Variants in METTL15 observed in about 807,000 individuals in gnomAD.
METTL15 encodes the protein 12S rRNA N(4)-cytidine methyltransferase METTL15.
In METTL15, 34 loss-of-function variants were observed where a neutral mutation model predicts 38.3. The ratio of observed to expected loss-of-function variants is 0.89; its 90% CI spans 0.68 to 1.18. METTL15 has a LOEUF of 1.18. Among genes scored for constraint, METTL15 ranks in the 50% most tolerant of loss-of-function variants. The probability of loss-of-function intolerance (pLI) is 0.00; values close to 1 mark genes in which losing one functional copy is unlikely to be tolerated. For missense variants in METTL15, 438 were observed against 498.4 expected (o/e 0.88, Z 1.15); for synonymous variants, 162 against 170.9 (o/e 0.95, Z 0.41).
intron 6 of METTL15, among the ~76,000 whole-genome samples, chr11:28,446,319 C>T (rs914092512): frequency 6.6e-6 from 1 of 152,102 alleles, no homozygotes; most frequent in Non-Finnish European, 1.5e-5. Flanking sequence ...TTTTAAAGCC[C>T]TCCAGGGAAA....
rs887315795 is a variant in METTL15, at chr11:28,507,181, C to G, written c.*425-19297C>G. ...TTCTTGCATTGCTATGAAGAGCTACCTGAAGCCTAATTGATTCAAAGTCCT... is the reference window on the plus strand; with the variant it reads ...TTCTTGCATTGCTATGAAGAGCTACGTGAAGCCTAATTGATTCAAAGTCCT... On this transcript the variant is annotated intron_variant and NMD_transcript_variant, in intron 6 of 7. Transcript: ENST00000532947. Among the ~76,000 whole-genome samples the G allele has an allele frequency of 5.3e-5, 8 of 152,170 alleles. 1 individual carries two copies. Among genetic ancestry groups the G allele is most frequent in the African/African-American group, 1.9e-4 (8 of 41,426 alleles).
chr11:28,511,796 A>C (rs1851676523), intron 6 of METTL15, among the ~76,000 whole-genome samples: 1 of 152,204 alleles, frequency 6.6e-6, no homozygotes, highest in African/African-American at 2.4e-5. Context: ...GCGAAAGAAC[A>C]AAGCTTCCAC....
Position 28,290,189 on chromosome 11 carries a change from C to T in METTL15, c.408-17C>T, listed in dbSNP as rs755894675. The T allele has an allele frequency of 6.3e-6, 10 of 1,591,920 alleles. No homozygotes were observed. In the Admixed American group the frequency reaches 1.4e-4, roughly 22 times the overall value. ...TCTAACAGAAGTGTTTTCTCTATCTCCTGGGTTTACTCACAGTAAACAAAT... is the reference window on the plus strand; with the variant it reads ...TCTAACAGAAGTGTTTTCTCTATCTTCTGGGTTTACTCACAGTAAACAAAT... On this transcript the variant is annotated splice_polypyrimidine_tract_variant and intron_variant, in intron 4 of 6. Transcript: ENST00000407364.
At chr11:28,384,645 T>G (rs2133387750) in intron 5 of METTL15, among the ~76,000 whole-genome samples, 1 of 152,194 alleles carries the variant, frequency 6.6e-6, no homozygotes, top group South Asian at 2.1e-4. Flanking sequence ...TTACATTCCT[T>G]TGGTATATAC....
intron 6 of METTL15, among the ~76,000 whole-genome samples, chr11:28,445,407 A>G (rs191590738): frequency 1.0e-3 from 152 of 152,244 alleles, no homozygotes; most frequent in African/African-American, 1.9e-3. Context: ...TTTCTCCTAT[A>G]TAAACATGGT....
At chr11:28,402,767 T>C (rs1297806117) in intron 5 of METTL15, among the ~76,000 whole-genome samples, 1 of 151,934 alleles carries the variant, frequency 6.6e-6, no homozygotes, top group Non-Finnish European at 1.5e-5. Flanking sequence ...GTCTGGGCTT[T>C]TAATGTAGCC....
At chr11:28,345,367 T>C (rs1849987518) in intron 3 of METTL15, among the ~76,000 whole-genome samples, 3 of 152,076 alleles carry the variant, frequency 2.0e-5, no homozygotes, top group South Asian at 4.1e-4. Flanking sequence ...TTTTTGTATT[T>C]TTCGTAGAGA....
chr11:28,432,503 C>T (rs775722081), intron 6 of METTL15, among the ~76,000 whole-genome samples: 4 of 152,112 alleles, frequency 2.6e-5, no homozygotes, highest in Admixed American at 6.5e-5. Context: ...GCAAGAGGGG[C>T]GAATGCTCTC....
intron 5 of METTL15, among the ~76,000 whole-genome samples, chr11:28,414,746 G>A (rs1850758818): frequency 6.6e-6 from 1 of 152,162 alleles, no homozygotes; most frequent in African/African-American, 2.4e-5. Context: ...TGCAGTTCTT[G>A]CTGATATCAT....
rs1353380334 is a variant in METTL15 at position 28,330,694 on chromosome 11, T to A, written c.1077T>A (p.Asp359Glu). 1 of 1,551,514 alleles carries A rather than the reference T, an allele frequency of 6.4e-7. No individual in the cohort carries two copies. Residue 359 changes from aspartate to glutamate, a missense_variant, in exon 7 of 7, where the codon GAT (aspartate) becomes GAA (glutamate). Coordinates refer to ENST00000407364, the MANE Select transcript of METTL15 (RefSeq NM_001113528.2). ...QVMKTSQLGS[D>E]HENTEEVSMR... ...TGAAAACATCTCAATTGGGTTCAGATCACGAAAACACGGAAGAAGTCTCTA... is the reference window on the plus strand; with the variant it reads ...TGAAAACATCTCAATTGGGTTCAGAACACGAAAACACGGAAGAAGTCTCTA...
At chr11:28,528,856 C>T (rs1174668676), downstream of METTL15, among the ~76,000 whole-genome samples, 1 of 152,088 alleles carries the variant, frequency 6.6e-6, no homozygotes, top group Non-Finnish European at 1.5e-5. Flanking sequence ...CATTCTGAAG[C>T]AGAAATATTG....
chr11:28,139,178 G>A (rs1221218009), intron 3 of METTL15, among the ~76,000 whole-genome samples: 1 of 152,114 alleles, frequency 6.6e-6, no homozygotes, highest in Non-Finnish European at 1.5e-5. Context: ...TACTTTGGGG[G>A]ATATATCTGA....
intron 5 of METTL15, among the ~76,000 whole-genome samples, chr11:28,372,269 T>C (rs1850251789): frequency 6.6e-6 from 1 of 152,094 alleles, no homozygotes; most frequent in Admixed American, 6.6e-5. Context: ...TAATGTGATG[T>C]ATTATGTTAA....
chr11:28,165,303 A>G (rs1850618558), intron 3 of METTL15, among the ~76,000 whole-genome samples: 1 of 152,072 alleles, frequency 6.6e-6, no homozygotes, highest in Non-Finnish European at 1.5e-5. Context: ...CCCACCAACA[A>G]AGGGCAAGGA....
intron 6 of METTL15, among the ~76,000 whole-genome samples, chr11:28,440,048 C>A (rs937103348): frequency 6.6e-6 from 1 of 152,146 alleles, no homozygotes; most frequent in Non-Finnish European, 1.5e-5. Flanking sequence ...CAGGCTAAGA[C>A]CCTGACTGTG....
intron 5 of METTL15, among the ~76,000 whole-genome samples, chr11:28,291,881 G>T (rs551812134): frequency 6.6e-6 from 1 of 152,076 alleles, no homozygotes; most frequent in African/African-American, 2.4e-5. Context: ...GGTCCCTGTG[G>T]TTTTCCCAAG....
intron 6 of METTL15, among the ~76,000 whole-genome samples, chr11:28,499,871 T>C (rs1334498661): frequency 6.6e-6 from 1 of 152,206 alleles, no homozygotes; most frequent in Non-Finnish European, 1.5e-5. Flanking sequence ...GTGTGTTCAA[T>C]CAGATTCTGA....
intron 6 of METTL15, among the ~76,000 whole-genome samples, chr11:28,322,980 G>A (rs188825895): frequency 3.3e-5 from 5 of 152,098 alleles, no homozygotes; most frequent in African/African-American, 4.8e-5. Flanking sequence ...TTAAAGATAA[G>A]TAAACTAAGT....
At chr11:28,503,958 G>A (rs962547987) in intron 6 of METTL15, among the ~76,000 whole-genome samples, 9 of 151,888 alleles carry the variant, frequency 5.9e-5, no homozygotes, top group Non-Finnish European at 1.0e-4. Flanking sequence ...CACTTTGGGA[G>A]TCCAAGGCAG....
Sources: gnomAD v4.1 joint callset for allele counts (sites outside exome capture counted in the v4.1 genomes callset) on GRCh38, gnomAD v4.1.1 for gene constraint, MANE v1.5 for transcripts, NCBI Gene and HGNC (gene_info 2026-07-23, HGNC 2026-07-21) for gene names.